The following ARPP21 variants were observed in gnomAD, a reference collection of about 807,000 sequenced individuals.
ARPP21 encodes cAMP-regulated phosphoprotein 21.
Under a neutral mutation model 113.2 loss-of-function variants are expected in ARPP21, and 69 were observed. The observed-to-expected ratio is 0.61, with a 90% confidence interval of 0.50 to 0.74. ARPP21 has a LOEUF of 0.74. ARPP21 is among the 30% of genes least tolerant of loss of function. ARPP21 has a pLI of 0.00. For synonymous variants in ARPP21, 368 were observed against 375.5 expected (o/e 0.98, Z 0.23); for missense variants, 1,070 against 1,037.4 (o/e 1.03, Z -0.43).
At chr3:35,739,656 A>G (rs762341085) in intron 18 of ARPP21, 79 bp downstream of exon 18, 103 of 1,489,430 alleles carry the variant, frequency 6.9e-5, no homozygotes, top group Non-Finnish European at 8.9e-5. Flanking sequence ...TGTAGAAAAT[A>G]ACCAGATTCA....
At chr3:35,660,178 C>G (rs1410471352) in intron 1 of ARPP21, among the ~76,000 whole-genome samples, 4 of 152,166 alleles carry the variant, frequency 2.6e-5, no homozygotes, top group African/African-American at 9.7e-5. Flanking sequence ...GGTATCACTT[C>G]TAAATTACTG....
chr3:35,694,477 A>C (rs1314882477), intron 9 of ARPP21, among the ~76,000 whole-genome samples: 1 of 119,010 alleles, frequency 8.4e-6, no homozygotes, highest in Non-Finnish European at 2.1e-5. Context: ...CATTTAATAC[A>C]AAAAAACCTT....
chr3:35,682,803 T>C (rs1295389936), intron 3 of ARPP21, 45 bp from the exon 4 acceptor site: 2 of 1,563,768 alleles, frequency 1.3e-6, no homozygotes, highest in South Asian at 1.2e-5. Flanking sequence ...TGTTCGTTTT[T>C]GTTTGTTTTA....
chr3:35,738,349 C>G (rs2094477129), intron 17 of ARPP21, 31 bp downstream of exon 17: 1 of 1,478,036 alleles, frequency 6.8e-7, no homozygotes, highest in East Asian at 2.5e-5. Context: ...GACTTTTTCC[C>G]CTAGGAAAGC....
chr3:35,783,727 A>C (rs192520330), intron 19 of ARPP21, among the ~76,000 whole-genome samples: 19 of 152,170 alleles, frequency 1.2e-4, no homozygotes, highest in Admixed American at 8.5e-4. Flanking sequence ...ATTAAATTCC[A>C]GTTTTATAGC....
intron 19 of ARPP21, among the ~76,000 whole-genome samples, chr3:35,778,634 A>G (rs74763592): frequency 0.026 from 4,023 of 152,146 alleles, 185 homozygotes; most frequent in African/African-American, 0.088. Context: ...AACCTCTTCA[A>G]TTGAATCATT....
chr3:35,694,407 C>T (rs2083174049), intron 9 of ARPP21, among the ~76,000 whole-genome samples: 1 of 151,382 alleles, frequency 6.6e-6, no homozygotes, highest in Admixed American at 6.6e-5. Flanking sequence ...TAATTCATTT[C>T]GCCAAGCACT....
intron 19 of ARPP21, among the ~76,000 whole-genome samples, chr3:35,769,872 G>A (rs2096132951): frequency 6.6e-6 from 1 of 152,156 alleles, no homozygotes; most frequent in African/African-American, 2.4e-5. Context: ...TGCTTGGAAG[G>A]GCATATGGTG....
intron 16 of ARPP21, 42 bp downstream of exon 16, chr3:35,737,404 G>T (rs1371589531): frequency 7.2e-7 from 1 of 1,397,694 alleles, no homozygotes; most frequent in South Asian, 1.3e-5. Flanking sequence ...AGTACCCTGA[G>T]ATGAAGGCTA....
intron 1 of ARPP21, among the ~76,000 whole-genome samples, chr3:35,668,017 G>GAAGAAGAAGAAA (rs2075275327): frequency 3.3e-5 from 5 of 149,480 alleles, no homozygotes; most frequent in East Asian, 2.0e-4. Context: ...AGAAGAAGAA[G>GAAGAAGAAGAAA]AAGAAGAAGA....
rs150753373 is a variant in ARPP21 at position 35,731,064 on chromosome 3, G to A, written c.1459+1528G>A. On this transcript the variant is annotated intron_variant, in intron 15 of 20. Coordinates refer to ENST00000684406, the MANE Select transcript of ARPP21 (RefSeq NM_001385562.1). ...AATCAAAGTACTGTCTGACTTTGTT[G>A]GCTTAAATTCTTTCACTTTTAATTG... Among the ~76,000 whole-genome samples, 68 of 152,192 alleles carry A rather than the reference G, an allele frequency of 4.5e-4. 1 individual carries two copies. Among genetic ancestry groups the A allele is most frequent in the African/African-American group, 1.5e-3 (62 of 41,534 alleles).
At chr3:35,724,180 C>G (rs2150356130) in intron 14 of ARPP21, among the ~76,000 whole-genome samples, 2 of 152,268 alleles carry the variant, frequency 1.3e-5, no homozygotes, top group East Asian at 3.9e-4. Context: ...AAGCATATTA[C>G]TGAAGTATGA....
chr3:35,748,153 G>C (rs563394986), intron 19 of ARPP21, among the ~76,000 whole-genome samples: 3 of 135,082 alleles, frequency 2.2e-5, no homozygotes, highest in Admixed American at 8.1e-5. Flanking sequence ...AAAGGAGAGA[G>C]AGAAAGAACA....
intron 19 of ARPP21, among the ~76,000 whole-genome samples, chr3:35,767,833 T>A (rs1387580804): frequency 1.3e-5 from 2 of 152,068 alleles, no homozygotes; most frequent in Non-Finnish European, 2.9e-5. Flanking sequence ...TGTTTCTAGG[T>A]GGTGGTACCA....
At chr3:35,780,441 G>A (rs1171757985) in intron 19 of ARPP21, among the ~76,000 whole-genome samples, 2 of 152,136 alleles carry the variant, frequency 1.3e-5, no homozygotes, top group Non-Finnish European at 2.9e-5. Context: ...TGTCCTACAA[G>A]AGAGATATTA....
chr3:35,707,355 G>A (rs1338403923), intron 10 of ARPP21: 1 of 607,010 alleles, frequency 1.6e-6, no homozygotes, highest in East Asian at 3.5e-5. Flanking sequence ...GTCTGGGAGG[G>A]TCGGGATGCC....
At chr3:35,686,754 C>G (rs2080723498) in intron 5 of ARPP21, among the ~76,000 whole-genome samples, 5 of 151,556 alleles carry the variant, frequency 3.3e-5, no homozygotes, top group Admixed American at 2.6e-4. Context: ...AATAAGTGGG[C>G]TTAACGTTGG....
At chr3:35,683,574 G>A in intron 4 of ARPP21, 152 bp from the exon 5 acceptor site, 2 of 621,144 alleles carry the variant, frequency 3.2e-6, no homozygotes, top group Non-Finnish European at 5.9e-6. Flanking sequence ...TTGAGCCAAT[G>A]TAGACAGTAC....
chr3:35,667,838 C>CT (rs201469176), intron 1 of ARPP21, among the ~76,000 whole-genome samples: 7,737 of 55,520 alleles, frequency 0.14, 677 homozygotes, highest in Non-Finnish European at 0.16. Context: ...TACTTTTATT[C>CT]TCAAAGAAGA....
Sources: gnomAD v4.1 joint callset for allele counts (sites outside exome capture counted in the v4.1 genomes callset) on GRCh38, gnomAD v4.1.1 for gene constraint, MANE v1.5 for transcripts, NCBI Gene and HGNC (gene_info 2026-07-23, HGNC 2026-07-21) for gene names.